TEX15: variants seen among roughly 807,000 people sequenced by gnomAD.
TEX15 encodes testis-expressed protein 15.
Under a neutral mutation model 237.3 loss-of-function variants are expected in TEX15, and 171 were observed. The ratio of observed to expected loss-of-function variants is 0.72; its 90% CI spans 0.64 to 0.82. TEX15 has a LOEUF of 0.82. Ranked by LOEUF, TEX15 falls within the 40% of genes least tolerant of loss-of-function variation. The probability of loss-of-function intolerance (pLI) is 0.00; values close to 1 mark genes in which losing one functional copy is unlikely to be tolerated. For synonymous variants in TEX15, 1,338 were observed against 1,269.8 expected, an observed-to-expected ratio of 1.05 and a Z score of -1.14; for missense variants, 3,750 against 3,646.5, an observed-to-expected ratio of 1.03 and a Z score of -0.73.
At position 30,845,196 on chromosome 8, in the gene TEX15, A is replaced by C. The variant is rs748309205; in HGVS notation, c.4971T>G (p.Asn1657Lys). ...TDVLISVLDS[N>K]VKHFLNDLYQ... ...AGAGATCATTTAAAAAGTGCTTCAC[A>C]TTTGAATCTAAGACTGATATAAGTA... Residue 1657 changes from asparagine (N) to lysine (K), a missense_variant, in exon 8 of 11, where the codon AAT becomes AAG. Physicochemically the swap from Asn to Lys is moderately conservative, Grantham distance 94. Transcript: ENST00000643185. The C allele has an allele frequency of 1.9e-6, 3 of 1,613,576 alleles. No homozygotes were observed. The South Asian group carries it at 3.3e-5, about 18-fold the overall frequency.
intron 1 of TEX15, among the ~76,000 whole-genome samples, chr8:30,907,317 T>C (rs1809123174): frequency 6.6e-6 from 1 of 151,990 alleles, no homozygotes; most frequent in African/African-American, 2.4e-5. Flanking sequence ...GACTGGATAA[T>C]ATTCAAAATT....
At position 30,848,380 on chromosome 8, in the gene TEX15, CCA is replaced by C. The variant is rs1349059761; in HGVS notation, c.1785_1786del (p.Gly596LeufsTer16). ...TGGAAAAACTGTAGACGTTTGGCAA[CCA>C]GTCTGATAAATTGTTTTTAAATCAG... On this transcript the variant is annotated frameshift_variant, in exon 8 of 11. Transcript: ENST00000643185. LOFTEE classifies it high-confidence loss of function. 1 of 1,613,986 alleles carries C rather than the reference CCA, an allele frequency of 6.2e-7. No homozygotes were observed. Among genetic ancestry groups the C allele is most frequent in the East Asian group, 2.2e-5 (1 of 44,900 alleles).
chr8:30,846,184 CTCTT>C lies in TEX15; in HGVS notation c.3979_3982del (p.Lys1327GlyfsTer3). The stretch of plus-strand genomic sequence containing the variant: ...AGATGAGTCTTGACTGGTTAGCCTC[CTCTT>C]TCTCCCATAAATTTTATGTCGTCTT... On this transcript the variant is annotated frameshift_variant, in exon 8 of 11. Transcript: ENST00000643185. LOFTEE classifies it high-confidence loss of function. 1 of 1,613,110 alleles carries C rather than the reference CTCTT, an allele frequency of 6.2e-7. No homozygotes were observed. Among genetic ancestry groups the C allele is most frequent in the Non-Finnish European group, 8.5e-7 (1 of 1,179,554 alleles).
chr8:30,893,783 T>C (rs1347663855), intron 2 of TEX15, among the ~76,000 whole-genome samples: 1 of 152,254 alleles, frequency 6.6e-6, no homozygotes, highest in Non-Finnish European at 1.5e-5. Context: ...TTCATCATGA[T>C]GTTCTAGGCT....
chr8:30,901,123 A>G (rs1412906993), intron 1 of TEX15, among the ~76,000 whole-genome samples: 4 of 152,332 alleles, frequency 2.6e-5, no homozygotes, highest in African/African-American at 9.6e-5. Context: ...GGTTGACAGA[A>G]TAAGAGCCTG....
Position 30,847,588 on chromosome 8 carries a change from T to C in TEX15, c.2579A>G (p.Asp860Gly), listed in dbSNP as rs138107151. 5.6e-5 allele frequency: 90 copies of C among 1,612,496 alleles called. No homozygotes were observed. Among genetic ancestry groups the C allele is most frequent in the Non-Finnish European group, 7.0e-5 (83 of 1,179,700 alleles). ...TTTAGCCTCATTTTGGTTTTCTCTA[T>C]CTGTTTGTTTTTTGAAATTAACATT... ...WLNVNFKKQT[D>G]RENQNEAKEN... Residue 860 changes from aspartate (D) to glycine (G), a missense_variant, in exon 8 of 11, where the codon GAT (aspartate) becomes GGT (glycine). Physicochemically the swap from Asp to Gly is moderately conservative, Grantham distance 94. Transcript: ENST00000643185.
At position 30,848,254 on chromosome 8, in the gene TEX15, G is replaced by A; in HGVS notation, c.1913C>T (p.Thr638Ile). The change falls in exon 8 of 11, where the codon ACT becomes ATT. Residue 638 changes from threonine (T) to isoleucine (I), a missense_variant. Coordinates refer to ENST00000643185, the MANE Select transcript of TEX15 (RefSeq NM_001350162.2). Reference protein sequence around the residue: ...EDSSKHEEKQTSWKEIDNDFT... With the variant: ...EDSSKHEEKQISWKEIDNDFT... ...ATCATTATCAATTTCTTTCCATGAA[G>A]TTTGCTTTTCTTCATGTTTGGAACT... 1 of 1,611,952 alleles carries A rather than the reference G, an allele frequency of 6.2e-7. No individual in the cohort carries two copies. The highest frequency in any genetic ancestry group is 1.3e-5 in the African/African-American group (1 of 74,842).
intron 5 of TEX15, among the ~76,000 whole-genome samples, chr8:30,864,921 C>T (rs1717099975): frequency 1.3e-5 from 2 of 152,064 alleles, no homozygotes; most frequent in Admixed American, 1.3e-4. Flanking sequence ...TTTTAAATAA[C>T]TTGTTTTAAC....
In TEX15 at chr8:30,912,956, CTGGAAG is replaced by C. The variant is rs1809264007; in HGVS notation, c.-169_-164del. The stretch of plus-strand genomic sequence containing the variant: ...TACAGACCTTCGCCCACTGCCTTCC[CTGGAAG>C]CCTCAGGAACACAGCAGCACCCCCC... On this transcript the variant is annotated 5_prime_UTR_variant, in exon 1 of 11. Coordinates refer to ENST00000643185, the MANE Select transcript of TEX15 (RefSeq NM_001350162.2). The C allele has an allele frequency of 6.6e-6, 1 of 152,380 alleles. No homozygotes were observed. The highest frequency in any genetic ancestry group is 2.4e-5 in the African/African-American group (1 of 41,472). The allele number at this position is 152,380 out of a possible 1,614,324, so 9.4% of individuals were successfully genotyped here.
chr8:30,904,725 A>G (rs1191285760), intron 1 of TEX15, among the ~76,000 whole-genome samples: 1 of 152,142 alleles, frequency 6.6e-6, no homozygotes, highest in Non-Finnish European at 1.5e-5. Flanking sequence ...TATTCCTCCC[A>G]TTTTAAAACA....
chr8:30,884,457 C>G (rs1808603072), intron 3 of TEX15, among the ~76,000 whole-genome samples: 1 of 152,202 alleles, frequency 6.6e-6, no homozygotes, highest in Non-Finnish European at 1.5e-5. Flanking sequence ...GTGAACCTAT[C>G]TGGTCCTGGT....
At chr8:30,892,565 G>C (rs995354286) in intron 2 of TEX15, among the ~76,000 whole-genome samples, 1 of 152,088 alleles carries the variant, frequency 6.6e-6, no homozygotes, top group African/African-American at 2.4e-5. Flanking sequence ...TGTTATATTA[G>C]TTTTCCTATC....
intron 2 of TEX15, among the ~76,000 whole-genome samples, chr8:30,896,575 A>C (rs1032775081): frequency 5.3e-5 from 8 of 152,092 alleles, no homozygotes; most frequent in Admixed American, 1.3e-4. Context: ...ATAACTCCCC[A>C]AAAGAATGCC....
At position 30,837,983 on chromosome 8, in the gene TEX15, C is replaced by A. The variant is rs369884354; in HGVS notation, c.8301G>T (p.Thr2767=). The A allele has an allele frequency of 1.9e-6, 3 of 1,613,778 alleles. No individual in the cohort carries two copies. The highest frequency in any genetic ancestry group is 1.1e-5 in the South Asian group (1 of 91,032). Residue 2767 remains threonine (T), a synonymous_variant, in exon 10 of 11, where the codon ACG becomes ACT. Coordinates refer to ENST00000643185, the MANE Select transcript of TEX15 (RefSeq NM_001350162.2). ...SCDSLKRNHL[T]PKKVEMQRSL... Reference sequence around the variant, plus strand: ...ATCTTTGCATTTCAACCTTTTTTGGCGTTAAATGATTTCTTTTCAGACTGT... The same window carrying A: ...ATCTTTGCATTTCAACCTTTTTTGGAGTTAAATGATTTCTTTTCAGACTGT...
At chr8:30,862,912 G>C (rs547176557) in intron 5 of TEX15, among the ~76,000 whole-genome samples, 111 of 152,280 alleles carry the variant, frequency 7.3e-4, no homozygotes, top group Middle Eastern at 6.8e-3. Flanking sequence ...TTTCAGAAAA[G>C]TTGTAAAAAT....
chr8:30,905,023 TG>T (rs747168820), intron 1 of TEX15, among the ~76,000 whole-genome samples: 68 of 152,150 alleles, frequency 4.5e-4, no homozygotes, highest in Admixed American at 2.6e-4. Context: ...ACATTAAATG[TG>T]GGGGTAACAA....
intron 9 of TEX15, among the ~76,000 whole-genome samples, chr8:30,838,443 A>G (rs1394416758): frequency 6.6e-6 from 1 of 151,948 alleles, no homozygotes; most frequent in Non-Finnish European, 1.5e-5. Flanking sequence ...GCTATAAATA[A>G]CTGGTAAACT....
At chr8:30,851,566 A>C (rs995576735) in intron 7 of TEX15, among the ~76,000 whole-genome samples, 2 of 151,968 alleles carry the variant, frequency 1.3e-5, no homozygotes, top group South Asian at 4.2e-4. Context: ...CGTGAGGCGG[A>C]GGTTGCAGTG....
rs867161391 is a variant in TEX15 at position 30,837,945 on chromosome 8, G to A, written c.8339C>T (p.Ser2780Leu). The A allele has an allele frequency of 6.8e-6, 11 of 1,614,140 alleles. No homozygotes were observed. In the Middle Eastern group the frequency reaches 1.6e-3, roughly 242 times the overall value. Residue 2780 changes from serine (S) to leucine (L), a missense_variant, in exon 10 of 11, where the codon TCA (serine) becomes TTA (leucine). Ser to Leu is a moderately radical substitution (Grantham distance 145). Transcript: ENST00000643185. ...KVEMQRSLPG[S>L]LLPLENPKDT... ...TTTTGGGTTCTCTAAGGGTAAAAGTGAGCCAGGTAGTGATCTTTGCATTTC... is the reference window on the plus strand; with the variant it reads ...TTTTGGGTTCTCTAAGGGTAAAAGTAAGCCAGGTAGTGATCTTTGCATTTC...
Sources: gnomAD v4.1 joint callset for allele counts (sites outside exome capture counted in the v4.1 genomes callset) on GRCh38, gnomAD v4.1.1 for gene constraint, MANE v1.5 for transcripts, NCBI Gene and HGNC (gene_info 2026-07-23, HGNC 2026-07-21) for gene names.